Variants in HTR1F observed in about 807,000 individuals in gnomAD.
HTR1F encodes 5-hydroxytryptamine receptor 1F.
Under a neutral mutation model 24.0 loss-of-function variants are expected in HTR1F, and 17 were observed. The ratio of observed to expected loss-of-function variants is 0.71; its 90% CI spans 0.48 to 1.06. The LOEUF (loss-of-function observed/expected upper bound fraction) is 1.06. HTR1F is among the 50% of genes least tolerant of loss of function. HTR1F has a pLI of 0.00. For missense variants in HTR1F, 391 were observed against 427.8 expected (o/e 0.91, Z 0.76); for synonymous variants, 186 against 156.8 (o/e 1.19, Z -1.39).
At chr3:87,985,700 T>C (rs1705648271) in intron 2 of HTR1F, among the ~76,000 whole-genome samples, 1 of 152,232 alleles carries the variant, frequency 6.6e-6, no homozygotes, top group African/African-American at 2.4e-5. Context: ...CTCAGTAGAA[T>C]TGAATTTTAC....
At chr3:87,954,747 T>C (rs1449301482) in intron 2 of HTR1F, among the ~76,000 whole-genome samples, 1 of 151,626 alleles carries the variant, frequency 6.6e-6, no homozygotes, top group Non-Finnish European at 1.5e-5. Context: ...GAATGGGGCT[T>C]AGCAGGTGGA....
chr3:87,902,167 T>G (rs528990999), intron 2 of HTR1F, among the ~76,000 whole-genome samples: 1 of 152,156 alleles, frequency 6.6e-6, no homozygotes, highest in Non-Finnish European at 1.5e-5. Context: ...TGATCACATA[T>G]CAAATATATA....
At chr3:87,849,947 G>T (rs1226695850) in intron 2 of HTR1F, among the ~76,000 whole-genome samples, 1 of 151,916 alleles carries the variant, frequency 6.6e-6, no homozygotes, top group South Asian at 2.1e-4. Flanking sequence ...TCATTAAAAA[G>T]TCAGGAAACA....
chr3:87,874,793 G>A (rs560564973), intron 2 of HTR1F, among the ~76,000 whole-genome samples: 4 of 152,172 alleles, frequency 2.6e-5, no homozygotes, highest in Admixed American at 1.3e-4. Flanking sequence ...TGGCATAAAG[G>A]CAGACATATA....
rs1683029428 is a variant in HTR1F at position 87,991,735 on chromosome 3, C to T, written c.986C>T (p.Ser329Phe). 1.2e-6 allele frequency: 2 copies of T among 1,613,708 alleles called. No homozygotes were observed. The highest frequency in any genetic ancestry group is 1.7e-6 in the Non-Finnish European group (2 of 1,179,846). ...CDKCKISEEM[S>F]NFLAWLGYLN... ...AAATGTAAAATTTCTGAAGAAATGT[C>T]CAATTTTTTGGCATGGCTTGGGTAT... Residue 329 changes from serine to phenylalanine, a missense_variant, in exon 3 of 3, where the codon TCC becomes TTC. By Grantham distance (155) the Ser-to-Phe change is radical (BLOSUM62 -2). Coordinates refer to ENST00000319595, the MANE Select transcript of HTR1F (RefSeq NM_001322209.2).
chr3:87,930,709 T>A (rs1704241672), intron 2 of HTR1F, among the ~76,000 whole-genome samples: 1 of 152,174 alleles, frequency 6.6e-6, no homozygotes, highest in Non-Finnish European at 1.5e-5. Context: ...TGAGGATTTT[T>A]GCACTTTATA....
intron 2 of HTR1F, among the ~76,000 whole-genome samples, chr3:87,955,840 T>C (rs1260923315): frequency 1.3e-5 from 2 of 151,488 alleles, no homozygotes; most frequent in African/African-American, 4.8e-5. Context: ...TCTTCTTTTG[T>C]GAGGTATCTG....
chr3:87,902,549 C>A (rs1706349022), intron 2 of HTR1F, among the ~76,000 whole-genome samples: 1 of 152,058 alleles, frequency 6.6e-6, no homozygotes, highest in Non-Finnish European at 1.5e-5. Flanking sequence ...TAAAGATGGA[C>A]TTGAATACAG....
chr3:87,885,254 C>T (rs555958803), intron 2 of HTR1F, among the ~76,000 whole-genome samples: 76 of 152,010 alleles, frequency 5.0e-4, no homozygotes, highest in Non-Finnish European at 9.1e-4. Context: ...GGGTAGATAA[C>T]GAAATGAAGG....
chr3:87,798,257 T>A (rs1278298515), intron 1 of HTR1F, among the ~76,000 whole-genome samples: 9 of 152,086 alleles, frequency 5.9e-5, no homozygotes, highest in Non-Finnish European at 1.2e-4. Context: ...TTCTCAAGAA[T>A]GAATCTCCCT....
At chr3:87,956,529 C>A (rs1455193700) in intron 2 of HTR1F, among the ~76,000 whole-genome samples, 2 of 151,278 alleles carry the variant, frequency 1.3e-5, no homozygotes, top group East Asian at 3.9e-4. Flanking sequence ...CTTCTAAAGA[C>A]AACCCCACTT....
At chr3:87,954,638 G>A (rs1704905442) in intron 2 of HTR1F, among the ~76,000 whole-genome samples, 1 of 151,650 alleles carries the variant, frequency 6.6e-6, no homozygotes, top group African/African-American at 2.4e-5. Flanking sequence ...AACTACATTT[G>A]TTGTTAATGA....
intron 2 of HTR1F, among the ~76,000 whole-genome samples, chr3:87,907,106 C>G (rs1389704549): frequency 6.6e-6 from 1 of 151,992 alleles, no homozygotes; most frequent in African/African-American, 2.4e-5. Context: ...TTTAAGGAAT[C>G]TCCATACTGT....
chr3:87,806,760 G>A (rs1274882647), intron 1 of HTR1F, among the ~76,000 whole-genome samples: 1 of 151,946 alleles, frequency 6.6e-6, no homozygotes, highest in Non-Finnish European at 1.5e-5. Context: ...TCTTCTAAGA[G>A]TTTTATTGTT....
At chr3:87,862,839 C>T (rs1452820442) in intron 2 of HTR1F, among the ~76,000 whole-genome samples, 2 of 151,704 alleles carry the variant, frequency 1.3e-5, no homozygotes, top group African/African-American at 2.4e-5. Flanking sequence ...TTTTGAGACA[C>T]AGTCACTCAC....
chr3:87,869,320 TG>T (rs1161282167), intron 2 of HTR1F, among the ~76,000 whole-genome samples: 1 of 151,814 alleles, frequency 6.6e-6, no homozygotes, highest in Non-Finnish European at 1.5e-5. Flanking sequence ...TACCACAGCA[TG>T]TTAGGTGAGT....
intron 1 of HTR1F, among the ~76,000 whole-genome samples, chr3:87,805,422 T>C (rs1704058003): frequency 1.3e-5 from 2 of 152,128 alleles, no homozygotes; most frequent in African/African-American, 4.8e-5. Flanking sequence ...TCAATAAGTT[T>C]TATAACTGAC....
At chr3:87,793,613 A>T (rs1041182345) in intron 1 of HTR1F, 3 of 152,062 alleles carry the variant, frequency 2.0e-5, no homozygotes, top group Non-Finnish European at 4.4e-5. Context: ...GGGCTGTGAG[A>T]GCTCAGGGAT....
At chr3:87,959,159 A>G (rs576873852) in intron 2 of HTR1F, among the ~76,000 whole-genome samples, 29 of 151,874 alleles carry the variant, frequency 1.9e-4, no homozygotes, top group East Asian at 1.5e-3. Flanking sequence ...GAGGAAGACA[A>G]TAGCATATAA....
Sources: gnomAD v4.1 joint callset for allele counts (sites outside exome capture counted in the v4.1 genomes callset) on GRCh38, gnomAD v4.1.1 for gene constraint, MANE v1.5 for transcripts, NCBI Gene and HGNC (gene_info 2026-07-23, HGNC 2026-07-21) for gene names.